The following DYNC1I1 variants were observed in gnomAD, a reference collection of about 807,000 sequenced individuals.
DYNC1I1 encodes the protein cytoplasmic dynein 1 intermediate chain 1.
In DYNC1I1, 43 loss-of-function variants were observed where a neutral mutation model predicts 86.6. The ratio of observed to expected loss-of-function variants is 0.50; its 90% confidence interval spans 0.39 to 0.64. The LOEUF (loss-of-function observed/expected upper bound fraction) is 0.64, where lower values mean the gene tolerates loss of function less well. DYNC1I1 is among the 30% of genes least tolerant of loss of function. The pLI, the probability that DYNC1I1 is intolerant of heterozygous loss-of-function variation, is 0.00. For missense variants in DYNC1I1, 604 were observed against 788.8 expected (o/e 0.77, Z 2.81); for synonymous variants, 262 against 283.7 (o/e 0.92, Z 0.77).
intron 2 of DYNC1I1, among the ~76,000 whole-genome samples, chr7:95,809,089 G>A (rs1172217651): frequency 6.6e-6 from 1 of 152,014 alleles, no homozygotes; most frequent in Non-Finnish European, 1.5e-5. Context: ...ACTCTTATAA[G>A]CCCTTATTGG....
At chr7:95,908,969 G>T (rs1003249436) in intron 6 of DYNC1I1, among the ~76,000 whole-genome samples, 1 of 151,822 alleles carries the variant, frequency 6.6e-6, no homozygotes, top group Non-Finnish European at 1.5e-5. Context: ...GGACGGCAGT[G>T]GGGGGAAATT....
intron 16 of DYNC1I1, among the ~76,000 whole-genome samples, chr7:96,109,577 G>A (rs910816190): frequency 5.9e-5 from 9 of 151,916 alleles, no homozygotes; most frequent in Admixed American, 2.6e-4. Context: ...ATTTTTATAT[G>A]TTGTGTTTTC....
At chr7:95,861,966 A>C (rs1789893943) in intron 5 of DYNC1I1, among the ~76,000 whole-genome samples, 1 of 152,210 alleles carries the variant, frequency 6.6e-6, no homozygotes, top group Non-Finnish European at 1.5e-5. Context: ...AACATTAAGA[A>C]AATTAAGCAT....
chr7:95,913,920 A>G (rs1393451075), intron 6 of DYNC1I1, among the ~76,000 whole-genome samples: 1 of 152,232 alleles, frequency 6.6e-6, no homozygotes, highest in African/African-American at 2.4e-5. Context: ...AGGGCTGAGG[A>G]TATCAGTTGC....
intron 14 of DYNC1I1, among the ~76,000 whole-genome samples, chr7:96,062,055 G>A (rs1232144399): frequency 1.3e-5 from 2 of 152,206 alleles, no homozygotes; most frequent in Admixed American, 1.3e-4. Context: ...AAGTGGACTT[G>A]AGAGAGAGGG....
chr7:95,938,370 G>A (rs139449939), intron 6 of DYNC1I1, among the ~76,000 whole-genome samples: 1 of 152,276 alleles, frequency 6.6e-6, no homozygotes, highest in Non-Finnish European at 1.5e-5. Context: ...CAACTACATT[G>A]CATTGTAGGT....
chr7:95,775,617 CTG>C (rs1303705495), intron 1 of DYNC1I1, among the ~76,000 whole-genome samples: 1 of 152,212 alleles, frequency 6.6e-6, no homozygotes, highest in Non-Finnish European at 1.5e-5. Context: ...TGATTGGTAA[CTG>C]TGAATAATAT....
chr7:95,883,176 A>G (rs1790500182), intron 6 of DYNC1I1, among the ~76,000 whole-genome samples: 1 of 152,208 alleles, frequency 6.6e-6, no homozygotes, highest in Non-Finnish European at 1.5e-5. Flanking sequence ...GGCTGGTAAC[A>G]TCTTGCAATA....
intron 6 of DYNC1I1, among the ~76,000 whole-genome samples, chr7:95,942,568 A>C (rs936839923): frequency 3.3e-5 from 5 of 152,192 alleles, no homozygotes; most frequent in African/African-American, 7.2e-5. Context: ...AGACACAAAC[A>C]AAAAAGAGAA....
intron 4 of DYNC1I1, among the ~76,000 whole-genome samples, chr7:95,823,952 C>CTACATATATATATATATATATATA (rs1554393640): frequency 1.3e-5 from 1 of 77,902 alleles, no homozygotes; most frequent in Non-Finnish European, 2.2e-5. Flanking sequence ...TTCTACTAAA[C>CTACATATATATATATATATATATA]TATATATATA....
intron 6 of DYNC1I1, among the ~76,000 whole-genome samples, chr7:95,903,373 A>G (rs1048506786): frequency 1.3e-5 from 2 of 152,062 alleles, no homozygotes; most frequent in Non-Finnish European, 2.9e-5. Context: ...GGCACCTTGT[A>G]TTTTCTGAAG....
chr7:95,805,181 A>G (rs1004858733), intron 2 of DYNC1I1, among the ~76,000 whole-genome samples: 2 of 152,152 alleles, frequency 1.3e-5, no homozygotes, highest in Non-Finnish European at 2.9e-5. Context: ...ATATGAGAAC[A>G]ATAATGCATT....
At chr7:95,885,629 C>T (rs115125336) in intron 6 of DYNC1I1, among the ~76,000 whole-genome samples, 1 of 152,248 alleles carries the variant, frequency 6.6e-6, no homozygotes, top group African/African-American at 2.4e-5. Context: ...CAGGTGCATG[C>T]CACCATGTCC....
At chr7:95,988,034 A>C (rs1793639618) in intron 9 of DYNC1I1, among the ~76,000 whole-genome samples, 1 of 152,138 alleles carries the variant, frequency 6.6e-6, no homozygotes, top group Admixed American at 6.6e-5. Flanking sequence ...TTGTCCACAT[A>C]CAGTTTTCCC....
chr7:95,988,987 A>G (rs1016652148), intron 9 of DYNC1I1, among the ~76,000 whole-genome samples: 7 of 152,204 alleles, frequency 4.6e-5, no homozygotes, highest in Admixed American at 4.6e-4. Context: ...ATCCCGTGGC[A>G]TATGCTCTTA....
chr7:95,970,981 G>A (rs1198957630), intron 6 of DYNC1I1, among the ~76,000 whole-genome samples: 3 of 152,114 alleles, frequency 2.0e-5, no homozygotes, highest in Admixed American at 6.5e-5. Flanking sequence ...ACAGGACTGA[G>A]ACCCCCCTCT....
At chr7:95,857,162 G>A (rs778069268) in intron 5 of DYNC1I1, among the ~76,000 whole-genome samples, 9 of 152,078 alleles carry the variant, frequency 5.9e-5, no homozygotes, top group Admixed American at 3.3e-4. Flanking sequence ...GGTTCTTGAC[G>A]CAGTCATAGA....
intron 4 of DYNC1I1, among the ~76,000 whole-genome samples, chr7:95,817,533 G>A (rs76561332): frequency 0.067 from 10,202 of 152,186 alleles, 462 homozygotes; most frequent in Non-Finnish European, 0.096. Context: ...GTGAGTTTTA[G>A]CAATTATTAT....
intron 6 of DYNC1I1, among the ~76,000 whole-genome samples, chr7:95,942,892 T>G (rs964768563): frequency 6.8e-6 from 1 of 146,554 alleles, no homozygotes; most frequent in African/African-American, 2.5e-5. Context: ...AAGAGCTATC[T>G]ATGACAAACC....
Sources: gnomAD v4.1 joint callset for allele counts (sites outside exome capture counted in the v4.1 genomes callset) on GRCh38, gnomAD v4.1.1 for gene constraint, MANE v1.5 for transcripts, NCBI Gene and HGNC (gene_info 2026-07-23, HGNC 2026-07-21) for gene names.